The following MTMR8 variants were observed in gnomAD, a reference collection of about 807,000 sequenced individuals.
The protein encoded by MTMR8 is phosphatidylinositol-3,5-bisphosphate 3-phosphatase MTMR8.
Under a neutral mutation model 39.3 loss-of-function variants are expected in MTMR8, and 65 were observed. The observed-to-expected ratio is 1.65, with a 90% CI of 1.35 to 2.03. The LOEUF is 2.03. MTMR8 is among the 30% of genes most tolerant of loss of function. The pLI, the probability that MTMR8 is intolerant of heterozygous loss-of-function variation, is 0.00. For missense variants in MTMR8, 777 were observed against 538.9 expected (o/e 1.44, Z -4.37); for synonymous variants, 245 against 185.2 (o/e 1.32, Z -2.62).
chrX:64,314,400 G>A (rs377109325), intron 12 of MTMR8, among the ~76,000 whole-genome samples: 2 of 112,643 alleles, frequency 1.8e-5, no homozygotes, highest in East Asian at 2.8e-4. Context: ...GGCCTGACTG[G>A]TGACTGTGTG....
intron 12 of MTMR8, among the ~76,000 whole-genome samples, chrX:64,302,994 G>T (rs961466874): frequency 8.9e-6 from 1 of 112,351 alleles, no homozygotes; most frequent in African/African-American, 3.2e-5. Flanking sequence ...GTGCTGTGAA[G>T]GATTTTCCCA....
chrX:64,380,164 G>A (rs761288346), intron 1 of MTMR8, among the ~76,000 whole-genome samples: 2 of 112,474 alleles, frequency 1.8e-5, no homozygotes, highest in East Asian at 5.6e-4. Flanking sequence ...AACTATGCCT[G>A]CCACTGAGGT....
At chrX:64,294,075 G>GA (rs1921487447) in intron 12 of MTMR8, among the ~76,000 whole-genome samples, 1 of 111,587 alleles carries the variant, frequency 9.0e-6, no homozygotes, top group Non-Finnish European at 1.9e-5. Flanking sequence ...TTTAAATAAC[G>GA]TGTACTGATT....
Position 64,337,374 on chromosome X carries a change from G to T in MTMR8, c.995C>A (p.Ala332Asp), listed in dbSNP as rs1923105846. 1.7e-6 allele frequency: 2 copies of T among 1,207,470 alleles called. No homozygotes were observed. The highest frequency in any genetic ancestry group is 3.5e-5 in the African/African-American group (2 of 56,920). Residue 332 changes from alanine (A) to aspartate (D), a missense_variant, in exon 9 of 14, where the codon GCC becomes GAC. Transcript: ENST00000374852. ...FITKAVKVEK[A>D]SVLVHCSDGW... is the part of the protein sequence containing the mutation. ...ATCAGAACAATGGACTAAGACACTG[G>T]CCTTTTCTACCTTCACTGCCTGTGA... is the stretch of plus-strand genomic sequence containing the variant.
In MTMR8 at chrX:64,268,730, C is replaced by A. The variant is rs1319132339; in HGVS notation, c.1922G>T (p.Cys641Phe). ...SEAMGISGDM[C>F]TFEATGFSKD... is the part of the protein sequence containing the mutation. ...GGAGAAGCCCGTAGCCTCAAAGGTG[C>A]ACATGTCTCCAGAGATGCCCATGGC... The change falls in exon 14 of 14, where the codon TGC (cysteine) becomes TTC (phenylalanine). Residue 641 changes from cysteine to phenylalanine, a missense_variant. Transcript: ENST00000374852. The A allele has an allele frequency of 9.9e-6, 12 of 1,209,742 alleles. No homozygotes were observed. The highest frequency in any genetic ancestry group is 5.3e-5 in the African/African-American group (3 of 56,991).
At chrX:64,317,011 C>T (rs1293295130) in intron 12 of MTMR8, among the ~76,000 whole-genome samples, 1 of 106,569 alleles carries the variant, frequency 9.4e-6, no homozygotes. Context: ...ACTCGGGAGG[C>T]TGAGGTGGGA....
intron 1 of MTMR8, among the ~76,000 whole-genome samples, chrX:64,371,391 T>C (rs1183505596): frequency 8.9e-6 from 1 of 111,999 alleles, no homozygotes; most frequent in Admixed American, 9.5e-5. Context: ...GTATTAAATT[T>C]GAAAAACATC....
At chrX:64,332,877 C>A (rs1236887767) in intron 10 of MTMR8, among the ~76,000 whole-genome samples, 1 of 111,642 alleles carries the variant, frequency 9.0e-6, no homozygotes, top group African/African-American at 3.3e-5. Context: ...CCACTCTGAA[C>A]ACCATATATT....
chrX:64,315,706 G>A (rs1922447308), intron 12 of MTMR8, among the ~76,000 whole-genome samples: 1 of 109,336 alleles, frequency 9.1e-6, no homozygotes, highest in Non-Finnish European at 1.9e-5. Flanking sequence ...TCATTTAATT[G>A]GTGTATTAAG....
At chrX:64,387,809 G>A (rs1235783983) in intron 1 of MTMR8, among the ~76,000 whole-genome samples, 1 of 108,037 alleles carries the variant, frequency 9.3e-6, no homozygotes, top group African/African-American at 3.4e-5. Flanking sequence ...GGAGGGAGGA[G>A]GAGAGAGAAG....
At position 64,337,255 on chromosome X, in the gene MTMR8, C is replaced by A; in HGVS notation, c.1101+13G>T. 2 of 1,202,046 alleles carry A rather than the reference C, an allele frequency of 1.7e-6. No homozygotes were observed. The highest frequency in any genetic ancestry group is 3.6e-5 in the South Asian group (2 of 55,176). Reference sequence around the variant, plus strand: ...TCTTACACAAAGTAAAATATAGTAGCGTGCTCTCTTACCATGAGTCCTTTG... The same window carrying A: ...TCTTACACAAAGTAAAATATAGTAGAGTGCTCTCTTACCATGAGTCCTTTG... On this transcript the variant is annotated intron_variant, in intron 9 of 13. Coordinates refer to ENST00000374852, the MANE Select transcript of MTMR8 (RefSeq NM_017677.4).
chrX:64,300,514 T>C (rs1485026930), intron 12 of MTMR8, among the ~76,000 whole-genome samples: 5 of 109,462 alleles, frequency 4.6e-5, no homozygotes, highest in Admixed American at 9.8e-5. Flanking sequence ...CACTGATGGG[T>C]CTTGACTCTT....
At chrX:64,286,601 A>G (rs923949055) in intron 12 of MTMR8, among the ~76,000 whole-genome samples, 1 of 111,779 alleles carries the variant, frequency 8.9e-6, no homozygotes, top group African/African-American at 3.3e-5. Flanking sequence ...GCACACCAAA[A>G]AGCTTATCCA....
chrX:64,358,701 G>A (rs2147233812), intron 2 of MTMR8, among the ~76,000 whole-genome samples: 1 of 111,191 alleles, frequency 9.0e-6, no homozygotes, highest in East Asian at 2.8e-4. Flanking sequence ...AGAGGTCTAA[G>A]CATAAATCTA....
chrX:64,268,375 G>T lies in MTMR8; in HGVS notation c.*162C>A. ...TGTACTGCTTAATATGAACATATTGGTCACTTAATCAGTAAAGTAATTCCC... is the reference window on the plus strand; with the variant it reads ...TGTACTGCTTAATATGAACATATTGTTCACTTAATCAGTAAAGTAATTCCC... On this transcript the variant is annotated 3_prime_UTR_variant, in exon 14 of 14. Transcript: ENST00000374852. The T allele has an allele frequency of 1.9e-6, 1 of 514,142 alleles. No individual in the cohort carries two copies. Among genetic ancestry groups the T allele is most frequent in the Non-Finnish European group, 3.1e-6 (1 of 319,567 alleles). 42.4% of individuals were successfully genotyped at this position (514,142 alleles called of 1,213,427 possible).
chrX:64,380,313 A>G (rs1466123876), intron 1 of MTMR8, among the ~76,000 whole-genome samples: 2 of 112,965 alleles, frequency 1.8e-5, no homozygotes. Context: ...TGTAGCAATT[A>G]AACTCTGCAG....
At chrX:64,362,423 G>GA (rs1204749480) in intron 1 of MTMR8, among the ~76,000 whole-genome samples, 3 of 45,537 alleles carry the variant, frequency 6.6e-5, no homozygotes, top group African/African-American at 2.6e-4. Flanking sequence ...AGCTGTGGGG[G>GA]AAAAAAATCA....
At chrX:64,279,030 G>C (rs1377106711) in intron 12 of MTMR8, among the ~76,000 whole-genome samples, 2 of 91,279 alleles carry the variant, frequency 2.2e-5, no homozygotes, top group Admixed American at 2.0e-4. Context: ...GTATCTCCTA[G>C]TCAGGAGGCA....
At chrX:64,285,909 A>T (rs980347812) in intron 12 of MTMR8, among the ~76,000 whole-genome samples, 11 of 111,809 alleles carry the variant, frequency 9.8e-5, no homozygotes, top group Non-Finnish European at 3.8e-5. Context: ...CATCACAATT[A>T]AAAGAACTAG....
Sources: allele counts gnomAD v4.1 joint callset (sites outside exome capture counted in the v4.1 genomes callset), GRCh38; gene constraint gnomAD v4.1.1; transcripts MANE v1.5; gene names NCBI Gene and HGNC (gene_info 2026-07-23, HGNC 2026-07-21).